The following CAPN14 variants were observed in gnomAD, a reference collection of about 807,000 sequenced individuals.
CAPN14 encodes calpain-14.
Under a neutral mutation model 101.3 loss-of-function variants are expected in CAPN14, and 94 were observed. The observed-to-expected ratio is 0.93, with a 90% CI of 0.79 to 1.10. The LOEUF (loss-of-function observed/expected upper bound fraction) is 1.10, where lower values mean the gene tolerates loss of function less well. Among genes scored for constraint, CAPN14 ranks in the 50% least tolerant of loss-of-function variants. CAPN14 has a pLI of 0.00. For missense variants in CAPN14, 837 were observed against 828.4 expected (o/e 1.01, Z -0.13); for synonymous variants, 338 against 317.9 (o/e 1.06, Z -0.67).
At chr2:31,220,147 T>G (rs1303344118), upstream of CAPN14, among the ~76,000 whole-genome samples, 6 of 152,186 alleles carry the variant, frequency 3.9e-5, no homozygotes, top group Non-Finnish European at 5.9e-5. Flanking sequence ...AGAACTCCTT[T>G]TCCAAATGAA....
At chr2:31,217,931 T>C (rs1433768212), upstream of CAPN14, among the ~76,000 whole-genome samples, 2 of 152,186 alleles carry the variant, frequency 1.3e-5, no homozygotes, top group Admixed American at 1.3e-4. Context: ...CTGGAAAGTA[T>C]TTTCAAGAGG....
chr2:31,214,762 C>T (rs1013020751), intron 1 of CAPN14, among the ~76,000 whole-genome samples: 5 of 152,186 alleles, frequency 3.3e-5, no homozygotes, highest in Admixed American at 2.0e-4. Context: ...CCTTGAGTTG[C>T]CACGACCTGG....
At chr2:31,177,887 G>T in intron 18 of CAPN14, 66 bp from the exon 19 acceptor site, 2 of 1,190,312 alleles carry the variant, frequency 1.7e-6, no homozygotes, top group Non-Finnish European at 2.4e-6. Flanking sequence ...AGAGCCCTGT[G>T]TGCCCCTTGT....
rs1165774287 is a variant in CAPN14, at chr2:31,194,499, G to A, written c.876-16C>T. ...TTTACTTGAACTGAAAATAGAAAAG[G>A]GAATGAAAAGCTTGTGGGGAGCATG... On this transcript the variant is annotated splice_polypyrimidine_tract_variant and intron_variant, in intron 8 of 21. Coordinates refer to ENST00000403897, the MANE Select transcript of CAPN14 (RefSeq NM_001145122.2). 6.5e-7 allele frequency: 1 copy of A among 1,535,130 alleles called. No individual in the cohort carries two copies. Among genetic ancestry groups the A allele is most frequent in the East Asian group, 2.4e-5 (1 of 40,822 alleles).
chr2:31,181,434 C>G (rs1162397025), intron 16 of CAPN14, among the ~76,000 whole-genome samples: 1 of 133,462 alleles, frequency 7.5e-6, no homozygotes, highest in Non-Finnish European at 1.6e-5. Context: ...TTCTTTCTTT[C>G]TTTCTTTCTT....
At position 31,184,390 on chromosome 2, in the gene CAPN14, A is replaced by G. The variant is rs1680807270; in HGVS notation, c.1645+2038T>C. ...TTTGCTTTCCCTTCTAAACATCTGA[A>G]TATTTCTCAAACTACTCCTCACATG... On this transcript the variant is annotated intron_variant, in intron 16 of 21. Coordinates refer to ENST00000403897, the MANE Select transcript of CAPN14 (RefSeq NM_001145122.2). Among the ~76,000 whole-genome samples the G allele has an allele frequency of 2.6e-5, 4 of 152,314 alleles. No individual in the cohort carries two copies. The South Asian group carries it at 8.3e-4, about 32-fold the overall frequency.
rs57034766 is a variant in CAPN14 at position 31,210,724 on chromosome 2, CTTAA to C, written c.-52-5229_-52-5226del. Among the ~76,000 whole-genome samples, 532 of 152,054 alleles carry C rather than the reference CTTAA, an allele frequency of 3.5e-3. 2 individuals carry two copies. Among genetic ancestry groups the C allele is most frequent in the African/African-American group, 0.012 (497 of 41,472 alleles). Reference sequence around the variant, plus strand: ...ATACTTTTAGAGAAAATTTTCTATGCTTAATTATTTTTCTAATGAAAGTGAATAT... The same window carrying C: ...ATACTTTTAGAGAAAATTTTCTATGCTTATTTTTCTAATGAAAGTGAATAT... On this transcript the variant is annotated intron_variant, in intron 1 of 21. Transcript: ENST00000403897.
chr2:31,203,735 T>C (rs539063369), intron 2 of CAPN14, among the ~76,000 whole-genome samples: 1 of 152,284 alleles, frequency 6.6e-6, no homozygotes, highest in South Asian at 2.1e-4. Flanking sequence ...GGAGGCTCAC[T>C]GCAGAATTTT....
intron 1 of CAPN14, among the ~76,000 whole-genome samples, chr2:31,227,427 T>C (rs1683058457): frequency 1.3e-5 from 2 of 152,232 alleles, no homozygotes; most frequent in South Asian, 2.1e-4. Flanking sequence ...TTTTGGCTTA[T>C]AAACTTCCTA....
At chr2:31,191,809 G>T in intron 11 of CAPN14, 126 bp downstream of exon 11, 1 of 911,002 alleles carries the variant, frequency 1.1e-6, no homozygotes, top group Non-Finnish European at 1.6e-6. Context: ...GACAGAGCCT[G>T]GATTTGAAAA....
chr2:31,177,868 C>T, intron 18 of CAPN14, 47 bp from the exon 19 acceptor site: 9 of 1,429,910 alleles, frequency 6.3e-6, no homozygotes, highest in Non-Finnish European at 8.7e-6. Flanking sequence ...CATTTCCAAG[C>T]ACCATCTGAG....
chr2:31,196,098 T>C (rs1681458384), intron 8 of CAPN14, among the ~76,000 whole-genome samples: 1 of 152,196 alleles, frequency 6.6e-6, no homozygotes, highest in South Asian at 2.1e-4. Flanking sequence ...TAATCTCAAG[T>C]GAAATTTCTA....
chr2:31,173,589 A>C lies in CAPN14; in HGVS notation c.*1092T>G, dbSNP rs577702800. ...CTTGTCAGTTGAACACCTCAAACCCAAAAATTCAAAATCCAAAATGCCCCT... is the reference window on the plus strand; with the variant it reads ...CTTGTCAGTTGAACACCTCAAACCCCAAAATTCAAAATCCAAAATGCCCCT... On this transcript the variant is annotated 3_prime_UTR_variant, in exon 22 of 22. Coordinates refer to ENST00000403897, the MANE Select transcript of CAPN14 (RefSeq NM_001145122.2). 6 of 152,350 alleles carry C rather than the reference A, an allele frequency of 3.9e-5. No homozygotes were observed. The South Asian group carries it at 1.2e-3, about 32-fold the overall frequency. The allele number at this position is 152,350 out of a possible 1,614,324, so 9.4% of individuals were successfully genotyped here.
intron 1 of CAPN14, among the ~76,000 whole-genome samples, chr2:31,228,728 T>C (rs1683098965): frequency 6.6e-6 from 1 of 152,214 alleles, no homozygotes; most frequent in African/African-American, 2.4e-5. Flanking sequence ...CTGAACACTT[T>C]CAATGGCACT....
At chr2:31,198,052 C>A (rs976754985) in intron 7 of CAPN14, among the ~76,000 whole-genome samples, 1 of 152,190 alleles carries the variant, frequency 6.6e-6, no homozygotes, top group Non-Finnish European at 1.5e-5. Flanking sequence ...GAAAATAAAT[C>A]TTGGGACCCC....
Position 31,200,585 on chromosome 2 carries a change from ACAC to A in CAPN14, c.589_591del (p.Val197del). ...CCAGTGAAGTCTACAAGGGCTTCAG[ACAC>A]CTGTCCTGACTGCAAGTCTTCATAG... On this transcript the variant is annotated inframe_deletion, in exon 6 of 22. Transcript: ENST00000403897. 1 of 1,551,644 alleles carries A rather than the reference ACAC, an allele frequency of 6.4e-7. No individual in the cohort carries two copies. Among genetic ancestry groups the A allele is most frequent in the South Asian group, 1.2e-5 (1 of 84,054 alleles).
chr2:31,179,610 G>T (rs1488294679), intron 17 of CAPN14, among the ~76,000 whole-genome samples: 1 of 152,168 alleles, frequency 6.6e-6, no homozygotes, highest in Non-Finnish European at 1.5e-5. Context: ...TGAGTCAAAT[G>T]CTATTTCTAG....
intron 18 of CAPN14, 69 bp from the exon 19 acceptor site, chr2:31,177,890 C>G (rs1680390072): frequency 1.7e-6 from 2 of 1,150,120 alleles, no homozygotes; most frequent in Non-Finnish European, 2.6e-6. Flanking sequence ...GCCCTGTGTG[C>G]CCCTTGTCAG....
At chr2:31,185,110 C>A (rs942033662) in intron 16 of CAPN14, among the ~76,000 whole-genome samples, 2 of 152,176 alleles carry the variant, frequency 1.3e-5, no homozygotes, top group Non-Finnish European at 2.9e-5. Flanking sequence ...TGATTTCTCC[C>A]AGCTTTGTGC....
Sources: gnomAD v4.1 joint callset for allele counts (sites outside exome capture counted in the v4.1 genomes callset) on GRCh38, gnomAD v4.1.1 for gene constraint, MANE v1.5 for transcripts, NCBI Gene and HGNC (gene_info 2026-07-23, HGNC 2026-07-21) for gene names.